The following PTPRD variants were observed in gnomAD, a reference collection of about 807,000 sequenced individuals.
PTPRD encodes the protein protein tyrosine phosphatase receptor type D, also known as receptor-type tyrosine-protein phosphatase delta.
In PTPRD, 34 loss-of-function variants were observed where a neutral mutation model predicts 214.5. The ratio of observed to expected loss-of-function variants is 0.16; its 90% confidence interval spans 0.12 to 0.21. The LOEUF (loss-of-function observed/expected upper bound fraction) is 0.21, where lower values mean the gene tolerates loss of function less well. Among genes scored for constraint, PTPRD ranks in the 10% least tolerant of loss-of-function variants. The probability of loss-of-function intolerance (pLI) is 1.00; values close to 1 mark genes in which losing one functional copy is unlikely to be tolerated. For missense variants in PTPRD, 2,545 were observed against 2,398.7 expected (o/e 1.06, Z -1.27); for synonymous variants, 1,128 against 845.7 (o/e 1.33, Z -5.79).
At chr9:9,426,074 G>T (rs1256154436) in intron 8 of PTPRD, among the ~76,000 whole-genome samples, 1 of 152,076 alleles carries the variant, frequency 6.6e-6, no homozygotes, top group Non-Finnish European at 1.5e-5. Context: ...GACAGTGGAT[G>T]CAGCCCACTG....
At chr9:9,710,316 C>A (rs961917642) in intron 7 of PTPRD, among the ~76,000 whole-genome samples, 3 of 152,048 alleles carry the variant, frequency 2.0e-5, no homozygotes, top group African/African-American at 4.8e-5. Context: ...AAGCCCAGAA[C>A]TCTAAAATTT....
chr9:8,498,155 T>G (rs2097316348), intron 25 of PTPRD, among the ~76,000 whole-genome samples: 1 of 152,182 alleles, frequency 6.6e-6, no homozygotes, highest in African/African-American at 2.4e-5. Context: ...TCCCTTTACT[T>G]AGAATGTTTC....
At chr9:10,122,726 G>T (rs897726534) in intron 3 of PTPRD, among the ~76,000 whole-genome samples, 1 of 152,106 alleles carries the variant, frequency 6.6e-6, no homozygotes, top group Non-Finnish European at 1.5e-5. Context: ...GATATTAATA[G>T]ACAGGTATTT....
At chr9:10,096,855 G>C (rs191842145) in intron 3 of PTPRD, among the ~76,000 whole-genome samples, 44 of 152,076 alleles carry the variant, frequency 2.9e-4, no homozygotes, top group Admixed American at 1.2e-3. Flanking sequence ...TTTTCTTCTA[G>C]GGTTTTTATG....
intron 7 of PTPRD, among the ~76,000 whole-genome samples, chr9:9,653,542 C>T (rs531918389): frequency 6.6e-6 from 1 of 152,206 alleles, no homozygotes; most frequent in East Asian, 1.9e-4. Flanking sequence ...AAGCAGTCAA[C>T]AGCCTCCAGC....
At chr9:9,883,004 T>G (rs1353322238) in intron 5 of PTPRD, among the ~76,000 whole-genome samples, 1 of 152,140 alleles carries the variant, frequency 6.6e-6, no homozygotes, top group Non-Finnish European at 1.5e-5. Context: ...CTGCCATGAT[T>G]GTAAGCTACA....
chr9:10,323,146 T>C (rs1271141101), intron 3 of PTPRD, among the ~76,000 whole-genome samples: 1 of 151,750 alleles, frequency 6.6e-6, no homozygotes, highest in African/African-American at 2.4e-5. Flanking sequence ...ATCAATTCTT[T>C]CTATTTTCTT....
At chr9:9,403,118 C>G (rs2141460873) in intron 8 of PTPRD, among the ~76,000 whole-genome samples, 1 of 150,430 alleles carries the variant, frequency 6.6e-6, no homozygotes, top group East Asian at 2.0e-4. Context: ...GGTAAAACCC[C>G]ATCTCTACTA....
intron 12 of PTPRD, among the ~76,000 whole-genome samples, chr9:8,710,583 T>C (rs1272009239): frequency 1.3e-5 from 2 of 152,060 alleles, no homozygotes; most frequent in Non-Finnish European, 2.9e-5. Flanking sequence ...GCCACTGCAC[T>C]CCAGTCTGGG....
chr9:10,432,189 A>G (rs2098686621), intron 2 of PTPRD, among the ~76,000 whole-genome samples: 1 of 150,792 alleles, frequency 6.6e-6, no homozygotes, highest in African/African-American at 2.4e-5. Flanking sequence ...CGCAAGAACA[A>G]AAAACCAAAC....
At chr9:8,911,854 G>T (rs918449868) in intron 11 of PTPRD, among the ~76,000 whole-genome samples, 5 of 151,902 alleles carry the variant, frequency 3.3e-5, no homozygotes, top group Non-Finnish European at 5.9e-5. Context: ...TGAGCAAAAG[G>T]CTTGAACAGA....
chr9:8,780,511 C>T (rs188577438), intron 11 of PTPRD, among the ~76,000 whole-genome samples: 6 of 152,270 alleles, frequency 3.9e-5, no homozygotes, highest in Admixed American at 2.0e-4. Context: ...TTTTGCAACA[C>T]TGGGAGAAGG....
At chr9:9,892,136 A>G (rs1028836948) in intron 5 of PTPRD, among the ~76,000 whole-genome samples, 2 of 152,172 alleles carry the variant, frequency 1.3e-5, no homozygotes, top group Non-Finnish European at 2.9e-5. Context: ...GACAAGTAAA[A>G]AAGTACAATT....
intron 15 of PTPRD, 151 bp downstream of exon 15, chr9:8,528,440 C>T (rs1386781294): frequency 1.4e-6 from 1 of 735,346 alleles, no homozygotes; most frequent in Admixed American, 2.2e-5. Context: ...ACATCACAAA[C>T]ATGGACCACC....
chr9:8,420,348 G>A (rs2094268941), intron 35 of PTPRD, among the ~76,000 whole-genome samples: 2 of 152,082 alleles, frequency 1.3e-5, no homozygotes, highest in Non-Finnish European at 2.9e-5. Flanking sequence ...GAGCATTCAT[G>A]ATCTTGAAAA....
intron 3 of PTPRD, among the ~76,000 whole-genome samples, chr9:10,293,853 T>G (rs1371288805): frequency 6.6e-6 from 1 of 151,944 alleles, no homozygotes; most frequent in African/African-American, 2.4e-5. Context: ...TAGGTCTTAC[T>G]ACTGATTTGT....
At chr9:8,418,505 G>C (rs1015250181) in intron 35 of PTPRD, among the ~76,000 whole-genome samples, 13 of 151,696 alleles carry the variant, frequency 8.6e-5, no homozygotes, top group Admixed American at 2.6e-4. Context: ...AATACTGTCT[G>C]GTATATATCT....
chr9:9,288,522 C>A (rs1051071852), intron 9 of PTPRD, among the ~76,000 whole-genome samples: 1 of 151,768 alleles, frequency 6.6e-6, no homozygotes, highest in Non-Finnish European at 1.5e-5. Context: ...TCTGATAAAA[C>A]CTGAAAAAAT....
chr9:9,997,333 T>A (rs2096158869), intron 4 of PTPRD, among the ~76,000 whole-genome samples: 1 of 151,432 alleles, frequency 6.6e-6, no homozygotes, highest in African/African-American at 2.4e-5. Flanking sequence ...TTGCCCAGTC[T>A]GGAGTGCAAT....
Sources: gnomAD v4.1 joint callset for allele counts (sites outside exome capture counted in the v4.1 genomes callset) on GRCh38, gnomAD v4.1.1 for gene constraint, MANE v1.5 for transcripts, NCBI Gene and HGNC (gene_info 2026-07-23, HGNC 2026-07-21) for gene names.